Variants in PLCB4 observed in about 807,000 individuals in gnomAD.
The protein encoded by PLCB4 is 1-phosphatidylinositol 4,5-bisphosphate phosphodiesterase beta-4.
A neutral mutation model predicts 178.8 loss-of-function variants in PLCB4; 77 were observed. The observed-to-expected ratio is 0.43, with a 90% CI of 0.36 to 0.52. The LOEUF (loss-of-function observed/expected upper bound fraction) is 0.52, where lower values mean the gene tolerates loss of function less well. Ranked by LOEUF, PLCB4 falls within the 20% of genes least tolerant of loss-of-function variation. The pLI, the probability that PLCB4 is intolerant of heterozygous loss-of-function variation, is 0.00. For missense variants in PLCB4, 1,024 were observed against 1,453.4 expected, an observed-to-expected ratio of 0.70 and a Z score of 4.80; for synonymous variants, 496 against 490.8, an observed-to-expected ratio of 1.01 and a Z score of -0.14.
intron 32 of PLCB4, among the ~76,000 whole-genome samples, chr20:9,444,743 T>C (rs1304643090): frequency 6.6e-6 from 1 of 152,028 alleles, no homozygotes; most frequent in East Asian, 1.9e-4. Context: ...GTGTAGGTGA[T>C]AGAGTAAGAC....
intron 12 of PLCB4, among the ~76,000 whole-genome samples, 161 bp downstream of exon 12, chr20:9,373,265 C>T (rs2036400691): frequency 6.6e-6 from 1 of 152,168 alleles, no homozygotes; most frequent in South Asian, 2.1e-4. Context: ...CAGCTGCCGC[C>T]CTGTGTGTTC....
intron 2 of PLCB4, among the ~76,000 whole-genome samples, chr20:9,154,927 C>G (rs938326209): frequency 1.8e-4 from 24 of 132,264 alleles, no homozygotes; most frequent in African/African-American, 6.6e-4. Context: ...TTCCTTCCTT[C>G]CTTCCTTCCT....
At chr20:9,286,920 T>G (rs973399966) in intron 3 of PLCB4, among the ~76,000 whole-genome samples, 1 of 152,008 alleles carries the variant, frequency 6.6e-6, no homozygotes, top group African/African-American at 2.4e-5. Flanking sequence ...CCAAACAACT[T>G]CTTCAATCTC....
chr20:9,324,985 C>G (rs972647471), intron 4 of PLCB4, among the ~76,000 whole-genome samples: 3 of 152,140 alleles, frequency 2.0e-5, no homozygotes, highest in African/African-American at 7.2e-5. Flanking sequence ...TGTCTATTAT[C>G]TCCATATATC....
chr20:9,353,370 G>A (rs181960471), intron 7 of PLCB4, among the ~76,000 whole-genome samples: 60 of 152,312 alleles, frequency 3.9e-4, no homozygotes, highest in African/African-American at 1.1e-3. Flanking sequence ...GCATGTGGGC[G>A]TTTCCAACAC....
intron 4 of PLCB4, among the ~76,000 whole-genome samples, chr20:9,328,102 G>C (rs2031012270): frequency 6.6e-6 from 1 of 152,164 alleles, no homozygotes; most frequent in South Asian, 2.1e-4. Flanking sequence ...GAGGGATTTA[G>C]ATTGAAGGGA....
chr20:9,424,716 T>C (rs2040875050), intron 28 of PLCB4, among the ~76,000 whole-genome samples: 1 of 152,182 alleles, frequency 6.6e-6, no homozygotes, highest in South Asian at 2.1e-4. Flanking sequence ...AATAACTACC[T>C]CCCTCATAGC....
At chr20:9,287,999 T>C (rs1407534874) in intron 3 of PLCB4, among the ~76,000 whole-genome samples, 1 of 152,230 alleles carries the variant, frequency 6.6e-6, no homozygotes, top group South Asian at 2.1e-4. Context: ...GATGTGGTTC[T>C]ATTGCAGCTC....
At chr20:9,147,663 T>C (rs1367625416) in intron 2 of PLCB4, among the ~76,000 whole-genome samples, 5 of 152,200 alleles carry the variant, frequency 3.3e-5, no homozygotes, top group African/African-American at 1.2e-4. Context: ...CATCCTAAGA[T>C]ACTAGACCTA....
At chr20:9,201,224 C>T (rs1307705013) in intron 2 of PLCB4, among the ~76,000 whole-genome samples, 2 of 152,108 alleles carry the variant, frequency 1.3e-5, no homozygotes, top group Non-Finnish European at 2.9e-5. Context: ...TTAAATGCTC[C>T]TCCCTTTGCA....
At chr20:9,234,563 A>G (rs1419901506) in intron 3 of PLCB4, among the ~76,000 whole-genome samples, 1 of 152,184 alleles carries the variant, frequency 6.6e-6, no homozygotes, top group Non-Finnish European at 1.5e-5. Context: ...AAGAGAGAGT[A>G]GTTCATTGGG....
At chr20:9,290,843 A>G (rs2094573933) in intron 3 of PLCB4, among the ~76,000 whole-genome samples, 1 of 152,202 alleles carries the variant, frequency 6.6e-6, no homozygotes, top group Non-Finnish European at 1.5e-5. Flanking sequence ...AATGTTTATT[A>G]ATGTAAACTA....
chr20:9,349,677 C>G (rs1568631076), intron 7 of PLCB4, among the ~76,000 whole-genome samples: 2 of 152,156 alleles, frequency 1.3e-5, no homozygotes, highest in South Asian at 2.1e-4. Flanking sequence ...CTCATTTTGT[C>G]CTAGTTGCAA....
At chr20:9,105,859 A>C (rs1250282741) in intron 2 of PLCB4, among the ~76,000 whole-genome samples, 1 of 152,102 alleles carries the variant, frequency 6.6e-6, no homozygotes, top group African/African-American at 2.4e-5. Context: ...TATGATAAAA[A>C]TCTATGGATA....
chr20:9,293,560 C>T (rs1347995763), intron 3 of PLCB4, among the ~76,000 whole-genome samples: 1 of 152,096 alleles, frequency 6.6e-6, no homozygotes, highest in Non-Finnish European at 1.5e-5. Context: ...GAGAAGAGTC[C>T]ATTGTCCTTT....
chr20:9,347,604 T>A (rs1223120075), intron 7 of PLCB4, among the ~76,000 whole-genome samples: 7 of 152,238 alleles, frequency 4.6e-5, no homozygotes, highest in Non-Finnish European at 8.8e-5. Flanking sequence ...ATTTCAATTA[T>A]ATTAATCTTT....
intron 4 of PLCB4, among the ~76,000 whole-genome samples, chr20:9,322,758 G>A (rs577705274): frequency 3.9e-5 from 6 of 152,320 alleles, no homozygotes; most frequent in South Asian, 4.1e-4. Flanking sequence ...TGTACTAAGT[G>A]GTATTTAAGG....
chr20:9,396,607 A>G (rs2038604441), intron 19 of PLCB4, among the ~76,000 whole-genome samples: 1 of 152,220 alleles, frequency 6.6e-6, no homozygotes, highest in Non-Finnish European at 1.5e-5. Context: ...GAATTGATGA[A>G]CGAAATGACA....
intron 15 of PLCB4, among the ~76,000 whole-genome samples, chr20:9,389,388 T>C (rs1283162875): frequency 1.3e-5 from 2 of 152,098 alleles, no homozygotes; most frequent in African/African-American, 4.8e-5. Flanking sequence ...TACATCAAGT[T>C]AATGAAGTAT....
Sources: gnomAD v4.1 joint callset for allele counts (sites outside exome capture counted in the v4.1 genomes callset) on GRCh38, gnomAD v4.1.1 for gene constraint, MANE v1.5 for transcripts, NCBI Gene and HGNC (gene_info 2026-07-23, HGNC 2026-07-21) for gene names.